TARBP2: variants seen among roughly 807,000 people sequenced by gnomAD.
TARBP2 encodes the protein TARBP2 subunit of RISC loading complex, also known as RISC-loading complex subunit TARBP2.
TARBP2 carries 23 observed loss-of-function variants against 40.4 expected under a neutral mutation model. The ratio of observed to expected loss-of-function variants is 0.57; its 90% CI spans 0.41 to 0.81. TARBP2 has a LOEUF of 0.81. Among genes scored for constraint, TARBP2 ranks in the 30% least tolerant of loss-of-function variants. TARBP2 has a pLI of 0.00. For synonymous variants in TARBP2, 183 were observed against 190.5 expected, an observed-to-expected ratio of 0.96 and a Z score of 0.32; for missense variants, 358 against 473.7, an observed-to-expected ratio of 0.76 and a Z score of 2.27.
chr12:53,506,219 C>T lies in TARBP2; in HGVS notation c.*71C>T, dbSNP rs895247433. On this transcript the variant is annotated 3_prime_UTR_variant, in exon 9 of 9. Transcript: ENST00000266987. ...TTCTGCCTCTGGGCTCATGTATCTG[C>T]GCAGCTCTGGTACCCTCTGTGGGTG... 5.2e-5 allele frequency: 80 copies of T among 1,546,092 alleles called. No individual in the cohort carries two copies. Among genetic ancestry groups the T allele is most frequent in the Middle Eastern group, 2.3e-4 (1 of 4,352 alleles).
At position 53,505,004 on chromosome 12, in the gene TARBP2, C is replaced by G. The variant is rs781605896; in HGVS notation, c.614-131C>G. On this transcript the variant is annotated intron_variant, in intron 6 of 8. Transcript: ENST00000266987. The surrounding 1 kb of genome is among the most constrained non-coding windows in gnomAD (Gnocchi z 4.5). ...TTCTCTCTGGCTGACCAGGTTCTCA[C>G]GTGCATGGGCAGGTCTTGAGTTCCC... 227 of 1,484,328 alleles carry G rather than the reference C, an allele frequency of 1.5e-4. No individual in the cohort carries two copies. Among genetic ancestry groups the G allele is most frequent in the Non-Finnish European group, 2.0e-4 (225 of 1,097,578 alleles). 91.9% of individuals were successfully genotyped at this position (1,484,328 alleles called of 1,614,324 possible).
intron 3 of TARBP2, chr12:53,503,476 C>T (rs1428369375): frequency 1.7e-6 from 1 of 574,262 alleles, no homozygotes; most frequent in Non-Finnish European, 3.1e-6. Flanking sequence ...TTTGTTGCTC[C>T]TCTGGTTCTT....
rs1262014289 is a variant in TARBP2, at chr12:53,505,585, A to G, written c.742-64A>G. 27 of 1,487,724 alleles carry G rather than the reference A, an allele frequency of 1.8e-5. No homozygotes were observed. Among genetic ancestry groups the G allele is most frequent in the Non-Finnish European group, 2.2e-5 (23 of 1,069,290 alleles). The allele number at this position is 1,487,724 out of a possible 1,614,324, so 92.2% of individuals were successfully genotyped here. ...GTGCTTTGTTCTCCTTTGACGTTGA[A>G]TGTCTCAATGCCTGGGTCCCACAGT... On this transcript the variant is annotated intron_variant, in intron 7 of 8. Transcript: ENST00000266987. This position sits in a 1 kb window ranked among gnomAD's most constrained non-coding sequence, Gnocchi z 4.5.
In TARBP2 at chr12:53,506,075, C is replaced by G; in HGVS notation, c.1028C>G (p.Thr343Ser). ...PATVCHGSAT[T>S]REAARGEAAR... ...ACTGTGTGTCATGGCTCTGCAACCA[C>G]CAGGGAGGCAGCCCGTGGTGAGGCT... Residue 343 changes from threonine to serine, a missense_variant, in exon 9 of 9, where the codon ACC becomes AGC. This residue lies in a region of TARBP2 where 317 missense variants were observed against 422.9 expected (regional missense o/e 0.75). Coordinates refer to ENST00000266987, the MANE Select transcript of TARBP2 (RefSeq NM_134323.2). 1 of 1,614,042 alleles carries G rather than the reference C, an allele frequency of 6.2e-7. No homozygotes were observed. Among genetic ancestry groups the G allele is most frequent in the Non-Finnish European group, 8.5e-7 (1 of 1,180,020 alleles).
Position 53,505,148 on chromosome 12 carries a change from C to T in TARBP2, c.627C>T (p.Ser209=). 1 of 1,608,732 alleles carries T rather than the reference C, an allele frequency of 6.2e-7. No individual in the cohort carries two copies. Among genetic ancestry groups the T allele is most frequent in the Non-Finnish European group, 8.5e-7 (1 of 1,175,816 alleles). The change falls in exon 7 of 9, where the codon TCC becomes TCT. Residue 209 remains serine (S), a synonymous_variant. Coordinates refer to ENST00000266987, the MANE Select transcript of TARBP2 (RefSeq NM_134323.2). The surrounding 1 kb of genome is among the most constrained non-coding windows in gnomAD (Gnocchi z 4.5). ...ERFIEIGSGT[S]KKLAKRNAAA... ...CTCCACATGCAGGGAGTGGCACTTCCAAAAAATTGGCAAAGCGGAATGCGG... is the reference window on the plus strand; with the variant it reads ...CTCCACATGCAGGGAGTGGCACTTCTAAAAAATTGGCAAAGCGGAATGCGG...
chr12:53,505,286 C>A lies in TARBP2; in HGVS notation c.741+24C>A. 1.3e-6 allele frequency: 2 copies of A among 1,565,120 alleles called. No homozygotes were observed. Among genetic ancestry groups the A allele is most frequent in the Non-Finnish European group, 1.7e-6 (2 of 1,148,156 alleles). On this transcript the variant is annotated intron_variant, in intron 7 of 8. Coordinates refer to ENST00000266987, the MANE Select transcript of TARBP2 (RefSeq NM_134323.2). This position sits in a 1 kb window ranked among gnomAD's most constrained non-coding sequence, Gnocchi z 4.5. ...TTGTGAGTGGCTCATGTGGGCCGGG[C>A]ACCGTGGCCCATCCTCCATGCCAGG...
At chr12:53,503,220 T>C (rs1943798587) in intron 3 of TARBP2, 91 bp downstream of exon 3, 4 of 1,445,706 alleles carry the variant, frequency 2.8e-6, no homozygotes, top group Non-Finnish European at 1.8e-6. Context: ...CAGGTGACAC[T>C]TAGCCACCCT....
At chr12:53,501,511 CG>C in intron 1 of TARBP2, 50 bp downstream of exon 1, 7 of 1,551,220 alleles carry the variant, frequency 4.5e-6, no homozygotes, top group Non-Finnish European at 6.1e-6. Context: ...TGGGGCCGTG[CG>C]GAGGGAGTAG....
At chr12:53,503,907 C>T in intron 4 of TARBP2, 99 bp downstream of exon 4, 1 of 887,468 alleles carries the variant, frequency 1.1e-6, no homozygotes, top group Admixed American at 1.8e-5. Context: ...ATGAGGAAGT[C>T]TGAGAATAAA....
At chr12:53,504,049 C>T (rs918555071) in intron 4 of TARBP2, 1 of 588,630 alleles carries the variant, frequency 1.7e-6, no homozygotes, top group East Asian at 2.8e-5. Context: ...GTCTTGCAGG[C>T]CCCATTTTCT....
In TARBP2 at chr12:53,501,335, C is replaced by A; in HGVS notation, c.-74C>A. On this transcript the variant is annotated 5_prime_UTR_variant, in exon 1 of 9. Transcript: ENST00000266987. ...CCGCGACTCCGGGCTTGGCCCCGGC[C>A]CTAGCTCGTCGGCTGTGTATTGGGG... 3 of 1,529,910 alleles carry A rather than the reference C, an allele frequency of 2.0e-6. No individual in the cohort carries two copies. Among genetic ancestry groups the A allele is most frequent in the Non-Finnish European group, 2.7e-6 (3 of 1,130,032 alleles). The allele number at this position is 1,529,910 out of a possible 1,614,324, so 94.8% of individuals were successfully genotyped here.
Position 53,504,225 on chromosome 12 carries a change from G to A in TARBP2, c.423-172G>A, listed in dbSNP as rs1282307555. 4.8e-6 allele frequency: 3 copies of A among 628,572 alleles called. No individual in the cohort carries two copies. In the African/African-American group the frequency reaches 5.6e-5, roughly 12 times the overall value. The allele number at this position is 628,572 out of a possible 1,614,324, so 38.9% of individuals were successfully genotyped here. A position where few individuals can be genotyped will look rare whatever the true frequency, so the allele number is the denominator to read the frequency against. ...GCCTCCCTTGAGTGGGAGGGGGAAG[G>A]AAGCCGGCTAGAGCAGGAGGAGCAG... is the stretch of plus-strand genomic sequence containing the variant. On this transcript the variant is annotated intron_variant, in intron 4 of 8. Transcript: ENST00000266987.
At chr12:53,504,340 G>T in intron 4 of TARBP2, 57 bp from the exon 5 acceptor site, 1 of 1,471,832 alleles carries the variant, frequency 6.8e-7, no homozygotes, top group Non-Finnish European at 9.1e-7. Context: ...TGGAGCTCAT[G>T]GGCAGGCTCA....
Position 53,505,952 on chromosome 12 carries a change from T to G in TARBP2, c.944-39T>G, listed in dbSNP as rs577752231. ...GAACGCACCCCTCCCCAGGGCTACC[T>G]CCCCCAACATTGCCTCCCTCCTCTC... is the stretch of plus-strand genomic sequence containing the variant. On this transcript the variant is annotated intron_variant, in intron 8 of 8. Coordinates refer to ENST00000266987, the MANE Select transcript of TARBP2 (RefSeq NM_134323.2). The surrounding 1 kb of genome is among the most constrained non-coding windows in gnomAD (Gnocchi z 4.5). 26 of 1,605,776 alleles carry G rather than the reference T, an allele frequency of 1.6e-5. No individual in the cohort carries two copies. In the African/African-American group the frequency reaches 3.2e-4, roughly 20 times the overall value.
In TARBP2 at chr12:53,505,185, C is replaced by T. The variant is rs1445665081; in HGVS notation, c.664C>T (p.Leu222=). The T allele has an allele frequency of 1.2e-6, 2 of 1,611,780 alleles. No homozygotes were observed. Among genetic ancestry groups the T allele is most frequent in the Admixed American group, 1.7e-5 (1 of 59,928 alleles). ...LAKRNAAAKM[L]LRVHTVPLDA... ...AAAGCGGAATGCGGCGGCCAAAATG[C>T]TGCTTCGAGTGCACACGGTGCCTCT... is the stretch of plus-strand genomic sequence containing the variant. Residue 222 remains leucine, a synonymous_variant, in exon 7 of 9, where the codon CTG becomes TTG. Coordinates refer to ENST00000266987, the MANE Select transcript of TARBP2 (RefSeq NM_134323.2). The surrounding 1 kb of genome is among the most constrained non-coding windows in gnomAD (Gnocchi z 4.5).
Position 53,501,355 on chromosome 12 carries a change from T to C in TARBP2, c.-54T>C, listed in dbSNP as rs372620817. On this transcript the variant is annotated 5_prime_UTR_variant, in exon 1 of 9. Transcript: ENST00000266987. ...CCGGCCCTAGCTCGTCGGCTGTGTATTGGGGCGCGTGGAGGCTGCAGTCAC... is the reference window on the plus strand; with the variant it reads ...CCGGCCCTAGCTCGTCGGCTGTGTACTGGGGCGCGTGGAGGCTGCAGTCAC... The C allele has an allele frequency of 1.2e-5, 18 of 1,545,570 alleles. No homozygotes were observed. Among genetic ancestry groups the C allele is most frequent in the Middle Eastern group, 1.7e-4 (1 of 5,836 alleles).
upstream of TARBP2, chr12:53,501,267 G>T (rs1419525542): frequency 1.2e-6 from 1 of 825,470 alleles, no homozygotes; most frequent in East Asian, 2.7e-5. Flanking sequence ...AGGGTGGGCG[G>T]GGGACTCCAT....
chr12:53,505,757 C>G lies in TARBP2; in HGVS notation c.850C>G (p.Leu284Val), dbSNP rs755056741. 1 of 1,614,010 alleles carries G rather than the reference C, an allele frequency of 6.2e-7. No individual in the cohort carries two copies. Among genetic ancestry groups the G allele is most frequent in the Non-Finnish European group, 8.5e-7 (1 of 1,179,930 alleles). The change falls in exon 8 of 9, where the codon CTG becomes GTG. Residue 284 changes from leucine (L) to valine (V), a missense_variant. Physicochemically the swap from Leu to Val is conservative, Grantham distance 32. This residue lies in a region of TARBP2 where 317 missense variants were observed against 422.9 expected (regional missense o/e 0.75). Transcript: ENST00000266987. This position sits in a 1 kb window ranked among gnomAD's most constrained non-coding sequence, Gnocchi z 4.5. The part of the protein sequence containing the change: ...EKILSLRSCS[L>V]GSLGALGPAC... ...GATCCTGTCCCTCCGCAGTTGCTCC[C>G]TGGGCTCCCTGGGTGCCCTGGGCCC...
At position 53,506,114 on chromosome 12, in the gene TARBP2, T is replaced by A; in HGVS notation, c.1067T>A (p.Leu356Gln). 1 of 1,613,982 alleles carries A rather than the reference T, an allele frequency of 6.2e-7. No individual in the cohort carries two copies. Among genetic ancestry groups the A allele is most frequent in the Non-Finnish European group, 8.5e-7 (1 of 1,179,992 alleles). The change falls in exon 9 of 9, where the codon CTG becomes CAG. Residue 356 changes from leucine (L) to glutamine (Q), a missense_variant. By Grantham distance (113) the Leu-to-Gln change is moderately radical. This residue lies in a region of TARBP2 where 317 missense variants were observed against 422.9 expected (regional missense o/e 0.75). Transcript: ENST00000266987. ...CGTGGTGAGGCTGCCCGCCGTGCCC[T>A]GCAGTACCTCAAGATCATGGCAGGC... ...AARGEAARRALQYLKIMAGSK is the reference protein window; with the variant it reads ...AARGEAARRAQQYLKIMAGSK
Sources: allele counts gnomAD v4.1 joint callset, GRCh38; gene constraint gnomAD v4.1.1; regional missense constraint gnomAD v4.1.1; non-coding constraint Gnocchi (gnomAD v3.1); transcripts MANE v1.5; gene names NCBI Gene and HGNC (gene_info 2026-07-23, HGNC 2026-07-21).